The following TNS3 variants were observed in gnomAD, a reference collection of about 807,000 sequenced individuals.
TNS3 encodes tensin 3.
TNS3 carries 45 observed loss-of-function variants against 140.9 expected under a neutral mutation model. The ratio of observed to expected loss-of-function variants is 0.32; its 90% CI spans 0.25 to 0.41. The LOEUF (loss-of-function observed/expected upper bound fraction) is 0.41, where lower values mean the gene tolerates loss of function less well. Ranked by LOEUF, TNS3 falls within the 10% of genes least tolerant of loss-of-function variation. TNS3 has a pLI of 1.00. For missense variants in TNS3, 1,716 were observed against 1,906.7 expected, an observed-to-expected ratio of 0.90 and a Z score of 1.86; for synonymous variants, 815 against 788.4, an observed-to-expected ratio of 1.03 and a Z score of -0.56.
intron 4 of TNS3, among the ~76,000 whole-genome samples, chr7:47,458,053 A>T (rs1012391406): frequency 2.2e-4 from 34 of 152,256 alleles, no homozygotes; most frequent in Admixed American, 1.5e-3. Context: ...TTGAGACAGT[A>T]CGTCTCATGC....
intron 16 of TNS3, among the ~76,000 whole-genome samples, chr7:47,391,308 A>G (rs2151295329): frequency 6.6e-6 from 1 of 152,288 alleles, no homozygotes. Context: ...CAACTGATGT[A>G]TATCTGTGTC....
intron 1 of TNS3, among the ~76,000 whole-genome samples, chr7:47,552,630 T>C (rs1224063320): frequency 2.0e-5 from 3 of 152,216 alleles, no homozygotes; most frequent in Non-Finnish European, 4.4e-5. Context: ...ACCAAATCCA[T>C]ATAAGACTGC....
intron 1 of TNS3, among the ~76,000 whole-genome samples, chr7:47,573,956 TG>T (rs1375894755): frequency 2.0e-5 from 3 of 152,026 alleles, no homozygotes; most frequent in Non-Finnish European, 2.9e-5. Context: ...GAAGGCATTA[TG>T]GGGAGGGCAT....
chr7:47,357,733 G>A (rs983197112), intron 17 of TNS3, among the ~76,000 whole-genome samples: 4 of 151,630 alleles, frequency 2.6e-5, no homozygotes, highest in African/African-American at 4.8e-5. Context: ...ACGGGTAGGC[G>A]CCGGCAAAAC....
At chr7:47,520,354 TA>T (rs2151916583) in intron 2 of TNS3, among the ~76,000 whole-genome samples, 1 of 152,224 alleles carries the variant, frequency 6.6e-6, no homozygotes, top group African/African-American at 2.4e-5. Context: ...CAACTTAACA[TA>T]AAATTCCAGA....
chr7:47,439,765 A>G (rs1810137), intron 5 of TNS3, 107 bp from the exon 6 acceptor site: 404,435 of 1,218,108 alleles, frequency 0.33, 69,939 homozygotes, highest in Non-Finnish European at 0.35. Flanking sequence ...GGGTGTTCAC[A>G]TCAGCACCTG....
intron 17 of TNS3, among the ~76,000 whole-genome samples, chr7:47,348,028 CA>C (rs1397718904): frequency 6.6e-6 from 1 of 152,232 alleles, no homozygotes; most frequent in East Asian, 1.9e-4. Flanking sequence ...CCACAGGACG[CA>C]AGTGCTGCAG....
chr7:47,499,435 A>G (rs748281822), intron 3 of TNS3, among the ~76,000 whole-genome samples: 6 of 152,238 alleles, frequency 3.9e-5, no homozygotes, highest in Admixed American at 2.6e-4. Flanking sequence ...AGTGACAACT[A>G]GCAAAAAAGA....
chr7:47,582,579 C>T (rs138693669), upstream of TNS3: 26 of 427,908 alleles, frequency 6.1e-5, no homozygotes, highest in Non-Finnish European at 1.1e-4. Context: ...GGAGCACAGC[C>T]GCTCCGGAAA....
At chr7:47,316,220 TGA>T (rs1023882460) in intron 20 of TNS3, among the ~76,000 whole-genome samples, 9 of 151,588 alleles carry the variant, frequency 5.9e-5, no homozygotes, top group Admixed American at 1.3e-4. Context: ...TTCCATTATT[TGA>T]GAGAGTTCTA....
chr7:47,424,628 G>A (rs768415751), intron 9 of TNS3, among the ~76,000 whole-genome samples: 1 of 152,148 alleles, frequency 6.6e-6, no homozygotes, highest in African/African-American at 2.4e-5. Flanking sequence ...GGACCACATG[G>A]ATGCAGGGAG....
chr7:47,439,200 C>A (rs1182477838), intron 6 of TNS3, among the ~76,000 whole-genome samples: 1 of 152,180 alleles, frequency 6.6e-6, no homozygotes. Flanking sequence ...GGGGACATGT[C>A]CCAAGGCACT....
In TNS3 at chr7:47,368,759, C is replaced by A. The variant is rs573472186; in HGVS notation, c.1887G>T (p.Val629=). The A allele has an allele frequency of 5.5e-5, 87 of 1,587,928 alleles. No individual in the cohort carries two copies. Among genetic ancestry groups the A allele is most frequent in the Admixed American group, 4.4e-4 (26 of 58,506 alleles). The change falls in exon 17 of 31, where the codon GTG becomes GTT. Residue 629 remains valine, a synonymous_variant. Coordinates refer to ENST00000311160, the MANE Select transcript of TNS3 (RefSeq NM_022748.12). The stretch of plus-strand genomic sequence containing the variant: ...TGGTCCCTCGGGTGGGGGTGAGTGG[C>A]ACTCTGGGCTGGGCCTGGACGAGGC... ...NPGLVQAQPR[V]PLTPTRGTSS... is the part of the protein sequence containing the mutation.
chr7:47,327,115 C>G (rs1788067653), intron 20 of TNS3, among the ~76,000 whole-genome samples: 1 of 152,212 alleles, frequency 6.6e-6, no homozygotes. Flanking sequence ...CCGTGCTACC[C>G]CCAGTGCCTG....
intron 2 of TNS3, among the ~76,000 whole-genome samples, chr7:47,513,889 A>G (rs532355593): frequency 3.3e-5 from 5 of 152,340 alleles, no homozygotes; most frequent in Non-Finnish European, 2.9e-5. Flanking sequence ...TTCCAGACTC[A>G]TGTTTAAGAA....
In TNS3 at chr7:47,485,979, GGTGAGTGTGGGTGT is replaced by G. The variant is rs554386588; in HGVS notation, c.-114-4852_-114-4839del. Among the ~76,000 whole-genome samples the G allele has an allele frequency of 6.3e-4, 95 of 151,262 alleles. 4 individuals are homozygous for G. In the South Asian group the frequency reaches 0.012, roughly 19 times the overall value. ...GTGTGAGTGTGGGTGTGTGAATGTG[GGTGAGTGTGGGTGT>G]GTGAGTGTGGGTGTGTGGAGGTGAG... On this transcript the variant is annotated intron_variant, in intron 3 of 30. Coordinates refer to ENST00000311160, the MANE Select transcript of TNS3 (RefSeq NM_022748.12).
At chr7:47,519,267 A>C in intron 2 of TNS3, among the ~76,000 whole-genome samples, 2 of 135,596 alleles carry the variant, frequency 1.5e-5, no homozygotes, top group Non-Finnish European at 1.6e-5. Context: ...CCCCCAACAC[A>C]AGGCACGGGT....
intron 4 of TNS3, chr7:47,453,287 G>C: frequency 4.1e-6 from 4 of 977,474 alleles, no homozygotes; most frequent in Non-Finnish European, 4.9e-6. Context: ...AGCGCTCTCC[G>C]GGAGAGCCTT....
intron 20 of TNS3, among the ~76,000 whole-genome samples, chr7:47,313,539 A>G (rs905939869): frequency 3.3e-5 from 5 of 152,344 alleles, no homozygotes; most frequent in Admixed American, 6.5e-5. Flanking sequence ...TTGAGCTTTC[A>G]AAGAGTCATA....
Sources: gnomAD v4.1 joint callset for allele counts (sites outside exome capture counted in the v4.1 genomes callset) on GRCh38, gnomAD v4.1.1 for gene constraint, MANE v1.5 for transcripts, NCBI Gene and HGNC (gene_info 2026-07-23, HGNC 2026-07-21) for gene names.